The following CS variants were observed in gnomAD, a reference collection of about 807,000 sequenced individuals.
CS encodes the protein citrate synthase, mitochondrial.
Under a neutral mutation model 61.4 loss-of-function variants are expected in CS, and 13 were observed. The ratio of observed to expected loss-of-function variants is 0.21; its 90% CI spans 0.14 to 0.34. The LOEUF is 0.34. Among genes scored for constraint, CS ranks in the 10% least tolerant of loss-of-function variants. CS has a pLI of 1.00. For synonymous variants in CS, 159 were observed against 215.2 expected (o/e 0.74, Z 2.29); for missense variants, 278 against 573.4 (o/e 0.48, Z 5.26).
rs891763829 is a variant in CS, at chr12:56,295,539, C to A, written c.42+4621G>T. On this transcript the variant is annotated intron_variant, in intron 1 of 10. Coordinates refer to ENST00000351328, the MANE Select transcript of CS (RefSeq NM_004077.3). ...CCATCTCAAGGAAAAAAAAAAAATT[C>A]TTGAACACCTACTTATTATGTGTAC... Among the ~76,000 whole-genome samples, 8 of 151,614 alleles carry A rather than the reference C, an allele frequency of 5.3e-5. No homozygotes were observed. In the East Asian group the frequency reaches 7.8e-4, roughly 15 times the overall value.
chr12:56,293,450 C>G (rs774691937), intron 1 of CS, among the ~76,000 whole-genome samples: 32 of 152,188 alleles, frequency 2.1e-4, no homozygotes, highest in Non-Finnish European at 1.2e-4. Context: ...GACACGGTGG[C>G]TCACGCCTGT....
At chr12:56,274,945 A>C in intron 8 of CS, 57 bp downstream of exon 8, 1 of 1,610,142 alleles carries the variant, frequency 6.2e-7, no homozygotes, top group African/African-American at 1.3e-5. Context: ...CCAAGATCAG[A>C]AACAAAGCAT....
intron 7 of CS, 35 bp from the exon 8 acceptor site, chr12:56,275,166 A>C: frequency 6.2e-7 from 1 of 1,613,500 alleles, no homozygotes; most frequent in South Asian, 1.1e-5. Flanking sequence ...CCAAGGGAAG[A>C]AAGAAGGGGC....
At chr12:56,288,196 C>T (rs577099217) in intron 1 of CS, among the ~76,000 whole-genome samples, 3 of 152,228 alleles carry the variant, frequency 2.0e-5, no homozygotes, top group Admixed American at 6.5e-5. Context: ...AGATTACACA[C>T]AGAAATAAAC....
intron 1 of CS, chr12:56,298,699 A>C (rs893003870): frequency 1.0e-6 from 1 of 984,832 alleles, no homozygotes; most frequent in African/African-American, 1.7e-5. Context: ...TGCCTGGAAG[A>C]ACCAAGGTAA....
At chr12:56,287,292 C>T (rs1413244484) in intron 1 of CS, among the ~76,000 whole-genome samples, 1 of 151,934 alleles carries the variant, frequency 6.6e-6, no homozygotes, top group Non-Finnish European at 1.5e-5. Flanking sequence ...CCAGCCTGGC[C>T]AACATGGTGA....
chr12:56,295,681 G>A (rs865961100), intron 1 of CS, among the ~76,000 whole-genome samples: 3 of 151,368 alleles, frequency 2.0e-5, no homozygotes, highest in African/African-American at 4.8e-5. Flanking sequence ...ATGGCTGGGC[G>A]CGGCAGCTCA....
At chr12:56,297,749 C>T (rs1208778445) in intron 1 of CS, among the ~76,000 whole-genome samples, 2 of 152,138 alleles carry the variant, frequency 1.3e-5, no homozygotes, top group East Asian at 1.9e-4. Flanking sequence ...CTACACCTGA[C>T]GCTGAGACTC....
chr12:56,290,986 ACC>A (rs1873103989), intron 1 of CS, among the ~76,000 whole-genome samples: 1 of 152,224 alleles, frequency 6.6e-6, no homozygotes, highest in Non-Finnish European at 1.5e-5. Context: ...GTTACCAAGG[ACC>A]AAGTCCTAAA....
intron 1 of CS, among the ~76,000 whole-genome samples, chr12:56,295,041 C>T (rs1873252451): frequency 6.6e-6 from 1 of 151,084 alleles, no homozygotes; most frequent in South Asian, 2.1e-4. Flanking sequence ...GCTGGGATTA[C>T]AGGCGTGAGC....
chr12:56,277,418 G>C (rs1224477545), intron 6 of CS, among the ~76,000 whole-genome samples: 5 of 150,190 alleles, frequency 3.3e-5, no homozygotes, highest in African/African-American at 9.8e-5. Flanking sequence ...AGAATGGCGT[G>C]AATCTGGCAG....
At chr12:56,296,390 T>C (rs1230251479) in intron 1 of CS, among the ~76,000 whole-genome samples, 1 of 151,866 alleles carries the variant, frequency 6.6e-6, no homozygotes, top group Non-Finnish European at 1.5e-5. Context: ...GTTGAGGCTG[T>C]AGTAATAGCA....
At chr12:56,277,655 G>A (rs1266340238) in intron 6 of CS, among the ~76,000 whole-genome samples, 1 of 141,628 alleles carries the variant, frequency 7.1e-6, no homozygotes, top group Non-Finnish European at 1.5e-5. Context: ...TTTTGAGATG[G>A]ATTCTCGCTC....
chr12:56,275,948 C>A (rs755606954), intron 7 of CS, 48 bp downstream of exon 7: 1 of 1,555,900 alleles, frequency 6.4e-7, no homozygotes, highest in Non-Finnish European at 8.9e-7. Flanking sequence ...AAAAAAATTT[C>A]CCACCAATTG....
chr12:56,273,481 G>A (rs1450022831), intron 10 of CS, 106 bp downstream of exon 10: 25 of 1,200,416 alleles, frequency 2.1e-5, no homozygotes, highest in Non-Finnish European at 2.4e-5. Flanking sequence ...AAAATGCTCT[G>A]TGAGGGAAGT....
chr12:56,290,428 G>A (rs1873084570), intron 1 of CS, among the ~76,000 whole-genome samples: 1 of 151,480 alleles, frequency 6.6e-6, no homozygotes, highest in African/African-American at 2.4e-5. Context: ...GGCCAGACTG[G>A]TCTCGAACTT....
intron 1 of CS, among the ~76,000 whole-genome samples, chr12:56,288,212 C>T (rs1873002136): frequency 6.6e-6 from 1 of 152,090 alleles, no homozygotes; most frequent in Non-Finnish European, 1.5e-5. Flanking sequence ...TAAACTAATC[C>T]TGGAGCAAGG....
Position 56,276,018 on chromosome 12 carries a change from G to A in CS, c.766C>T (p.Arg256Cys). The A allele has an allele frequency of 6.2e-7, 1 of 1,614,166 alleles. No homozygotes were observed. The highest frequency in any genetic ancestry group is 8.5e-7 in the Non-Finnish European group (1 of 1,180,036). The change falls in exon 7 of 11, where the codon CGC (arginine) becomes TGC (cysteine). Residue 256 changes from arginine to cysteine, a missense_variant. Around this residue, in one of 2 missense-constraint regions of CS, gnomAD observed 223 missense variants for 503.5 expected, o/e 0.44. Transcript: ENST00000351328. The stretch of plus-strand genomic sequence containing the variant: ...TACCTGTGGATGGTGAGGTACAGGC[G>A]CGTGAGCTCAGTGAACTGATGATCA... ...YTDHQFTELT[R>C]LYLTIHSDHE... is the part of the protein sequence containing the mutation.
At chr12:56,283,675 C>T in intron 4 of CS, 117 bp downstream of exon 4, 5 of 700,476 alleles carry the variant, frequency 7.1e-6, no homozygotes, top group East Asian at 5.4e-5. Context: ...TCTTCTCTAC[C>T]TTCCAATATA....
Sources: gnomAD v4.1 joint callset for allele counts (sites outside exome capture counted in the v4.1 genomes callset) on GRCh38, gnomAD v4.1.1 for gene constraint, gnomAD v4.1.1 regional missense constraint, MANE v1.5 for transcripts, NCBI Gene and HGNC (gene_info 2026-07-23, HGNC 2026-07-21) for gene names.